Variants in ASIC2 observed in about 807,000 individuals in gnomAD.
ASIC2 encodes the protein acid sensing ion channel subunit 2, also known as acid-sensing ion channel 2.
Under a neutral mutation model 57.3 loss-of-function variants are expected in ASIC2, and 25 were observed. The ratio of observed to expected loss-of-function variants is 0.44; its 90% CI spans 0.32 to 0.61. ASIC2 has a LOEUF of 0.61. ASIC2 is among the 20% of genes least tolerant of loss of function. The probability of loss-of-function intolerance (pLI) is 0.06; values close to 1 mark genes in which losing one functional copy is unlikely to be tolerated. For synonymous variants in ASIC2, 319 were observed against 307.5 expected, an observed-to-expected ratio of 1.04 and a Z score of -0.39; for missense variants, 641 against 738.1, an observed-to-expected ratio of 0.87 and a Z score of 1.52.
At chr17:33,394,052 A>G (rs1357021525) in intron 1 of ASIC2, among the ~76,000 whole-genome samples, 3 of 152,248 alleles carry the variant, frequency 2.0e-5, no homozygotes, top group African/African-American at 7.2e-5. Flanking sequence ...AACACGCATA[A>G]AGAGTTTAGC....
intron 1 of ASIC2, among the ~76,000 whole-genome samples, chr17:33,767,361 T>C (rs931893673): frequency 7.9e-5 from 12 of 152,192 alleles, no homozygotes; most frequent in African/African-American, 2.7e-4. Context: ...CTCAGCTTTG[T>C]GTGTGTGTGA....
chr17:33,123,216 A>G (rs61013592), intron 1 of ASIC2, among the ~76,000 whole-genome samples: 1 of 152,104 alleles, frequency 6.6e-6, no homozygotes, highest in Non-Finnish European at 1.5e-5. Context: ...CACTATTTAC[A>G]ATAGCCAAGA....
At chr17:33,463,714 G>C (rs1318679354) in intron 1 of ASIC2, among the ~76,000 whole-genome samples, 1 of 152,186 alleles carries the variant, frequency 6.6e-6, no homozygotes, top group Non-Finnish European at 1.5e-5. Flanking sequence ...CCTATGATTA[G>C]TGTCCCTAAG....
intron 1 of ASIC2, among the ~76,000 whole-genome samples, chr17:33,414,079 C>T (rs554231937): frequency 7.9e-5 from 12 of 152,262 alleles, no homozygotes; most frequent in African/African-American, 2.9e-4. Context: ...GTCTTGTTCC[C>T]GCAGCAGCCC....
intron 1 of ASIC2, among the ~76,000 whole-genome samples, chr17:33,350,419 C>T (rs113767619): frequency 2.4e-4 from 37 of 152,222 alleles, no homozygotes; most frequent in African/African-American, 8.9e-4. Flanking sequence ...GTGGCTCACA[C>T]CTGTAATCCT....
At chr17:33,294,758 C>A (rs1905656731), upstream of ASIC2, among the ~76,000 whole-genome samples, 1 of 152,194 alleles carries the variant, frequency 6.6e-6, no homozygotes, top group South Asian at 2.1e-4. Context: ...ACACAACACA[C>A]ACACACCTGG....
chr17:33,389,792 A>T (rs1476725919), intron 1 of ASIC2, among the ~76,000 whole-genome samples: 1 of 152,244 alleles, frequency 6.6e-6, no homozygotes, highest in African/African-American at 2.4e-5. Flanking sequence ...TTGGGAAACT[A>T]TTTATGAACA....
intron 1 of ASIC2, among the ~76,000 whole-genome samples, chr17:34,126,601 C>G (rs1911788086): frequency 6.6e-6 from 1 of 152,170 alleles, no homozygotes; most frequent in Non-Finnish European, 1.5e-5. Flanking sequence ...TCCATTACCT[C>G]TCATCCACTG....
At chr17:33,867,969 A>G (rs1914286410) in intron 1 of ASIC2, among the ~76,000 whole-genome samples, 1 of 152,198 alleles carries the variant, frequency 6.6e-6, no homozygotes, top group Admixed American at 6.5e-5. Context: ...AAGTGGCAAA[A>G]TTCAGACTTG....
intron 1 of ASIC2, among the ~76,000 whole-genome samples, chr17:33,540,210 T>C (rs749128296): frequency 3.3e-5 from 5 of 152,234 alleles, no homozygotes; most frequent in Non-Finnish European, 5.9e-5. Context: ...TGTCATTTTC[T>C]GTGTATCTTC....
chr17:33,107,018 G>T (rs1236364111), intron 2 of ASIC2, among the ~76,000 whole-genome samples: 1 of 152,182 alleles, frequency 6.6e-6, no homozygotes, highest in East Asian at 1.9e-4. Flanking sequence ...GTCGAAGCTT[G>T]CCTTGGATTC....
At chr17:33,047,049 G>A (rs1022212580) in intron 3 of ASIC2, among the ~76,000 whole-genome samples, 11 of 152,362 alleles carry the variant, frequency 7.2e-5, no homozygotes, top group Non-Finnish European at 1.5e-4. Flanking sequence ...AGATGGCCTC[G>A]CAGGAAGCTC....
At chr17:33,163,210 C>A (rs1905211204) in intron 1 of ASIC2, among the ~76,000 whole-genome samples, 2 of 152,176 alleles carry the variant, frequency 1.3e-5, no homozygotes, top group African/African-American at 4.8e-5. Context: ...CCTAGGCCGT[C>A]TCCAAGACAA....
chr17:33,808,033 A>T (rs879759962), intron 1 of ASIC2, among the ~76,000 whole-genome samples: 6 of 152,212 alleles, frequency 3.9e-5, no homozygotes, highest in African/African-American at 9.7e-5. Flanking sequence ...GAAATTTTTA[A>T]TTCAAATGAA....
intron 1 of ASIC2, among the ~76,000 whole-genome samples, chr17:33,831,180 T>C (rs1298441631): frequency 9.7e-6 from 1 of 103,572 alleles, no homozygotes. Flanking sequence ...TTTAAGAAAA[T>C]GCTGAAAATC....
At chr17:34,018,096 A>G (rs1404441993) in intron 1 of ASIC2, among the ~76,000 whole-genome samples, 2 of 152,218 alleles carry the variant, frequency 1.3e-5, no homozygotes, top group Admixed American at 6.5e-5. Flanking sequence ...CAAAGCTTCA[A>G]TGAACAGGCT....
chr17:33,258,071 T>A (rs529875638), intron 1 of ASIC2, among the ~76,000 whole-genome samples: 2 of 152,322 alleles, frequency 1.3e-5, no homozygotes, highest in East Asian at 3.9e-4. Context: ...CCATGCTGAG[T>A]ATTTTGCATG....
At chr17:33,428,568 C>T (rs1911295518) in intron 1 of ASIC2, among the ~76,000 whole-genome samples, 1 of 152,074 alleles carries the variant, frequency 6.6e-6, no homozygotes, top group African/African-American at 2.4e-5. Flanking sequence ...TCTGTGGATC[C>T]CTAAATTTCC....
intron 1 of ASIC2, among the ~76,000 whole-genome samples, chr17:33,499,266 C>T (rs1448467012): frequency 6.6e-6 from 1 of 152,202 alleles, no homozygotes; most frequent in African/African-American, 2.4e-5. Context: ...AAACATTTCC[C>T]CTTGTGTTGC....
Sources: gnomAD v4.1 joint callset for allele counts (sites outside exome capture counted in the v4.1 genomes callset) on GRCh38, gnomAD v4.1.1 for gene constraint, MANE v1.5 for transcripts, NCBI Gene and HGNC (gene_info 2026-07-23, HGNC 2026-07-21) for gene names.